The following IFNA10 variants were observed in gnomAD, a reference collection of about 807,000 sequenced individuals.
IFNA10 encodes interferon alpha 10.
For synonymous variants in IFNA10, 96 were observed against 83.7 expected (o/e 1.15, Z -0.80); for missense variants, 246 against 213.0 (o/e 1.15, Z -0.96).
At position 21,206,606 on chromosome 9, in the gene IFNA10, C is replaced by G. The variant is rs28368148; in HGVS notation, c.492G>C (p.Trp164Cys). The G allele has an allele frequency of 9.8e-3, 15,761 of 1,613,884 alleles. 106 individuals carry two copies. Among genetic ancestry groups the G allele is most frequent in the Middle Eastern group, 0.014 (86 of 6,062 alleles). ...TCATGATTTCTGCTCTGACAACCTC[C>G]CAGGCACAAGGGCTGTATTTCCTCT... ...LIERKYSPCA[W>C]EVVRAEIMRS... Residue 164 changes from tryptophan to cysteine, a missense_variant, in exon 1 of 1, where the codon TGG (tryptophan) becomes TGC (cysteine). Transcript: ENST00000357374.
In IFNA10 at chr9:21,206,296, ATAAT is replaced by A. The variant is rs2132929531; in HGVS notation, c.*228_*231del. ...TCATGATATTACATAAATTTTAAAAATAATTAAATAAATATTTAAACAAAAGATG... is the reference window on the plus strand; with the variant it reads ...TCATGATATTACATAAATTTTAAAAATAAATAAATATTTAAACAAAAGATG... On this transcript the variant is annotated 3_prime_UTR_variant, in exon 1 of 1. Transcript: ENST00000357374. The A allele has an allele frequency of 2.4e-6, 1 of 421,070 alleles. No homozygotes were observed. The highest frequency in any genetic ancestry group is 4.0e-6 in the Non-Finnish European group (1 of 252,596). The allele number at this position is 421,070 out of a possible 1,614,324, so 26.1% of individuals were successfully genotyped here.
rs778310673 is a variant in IFNA10, at chr9:21,206,720, C to T, written c.378G>A (p.Glu126=). 107 of 1,613,512 alleles carry T rather than the reference C, an allele frequency of 6.6e-5. 1 individual carries two copies. Among genetic ancestry groups the T allele is most frequent in the Middle Eastern group, 6.6e-4 (4 of 6,084 alleles). ...TCAGGGGAGTCTCTTCCACCCCAAC[C>T]TCCTGTATCACACATGCTTCCAGGT... ...LNDLEACVIQ[E]VGVEETPLMN... The change falls in exon 1 of 1, where the codon GAG becomes GAA. Residue 126 remains glutamate, a synonymous_variant. Coordinates refer to ENST00000357374, the MANE Select transcript of IFNA10 (RefSeq NM_002171.2).
chr9:21,206,220 G>A lies in IFNA10; in HGVS notation c.*308C>T, dbSNP rs1310089990. 1 of 191,876 alleles carries A rather than the reference G, an allele frequency of 5.2e-6. No homozygotes were observed. Among genetic ancestry groups the A allele is most frequent in the African/African-American group, 2.3e-5 (1 of 42,758 alleles). 11.9% of individuals were successfully genotyped at this position (191,876 alleles called of 1,614,324 possible). A position where few individuals can be genotyped will look rare whatever the true frequency, so the allele number is the denominator to read the frequency against. On this transcript the variant is annotated 3_prime_UTR_variant, in exon 1 of 1. Transcript: ENST00000357374. ...TAATGAAAAAGGAAATTAATATATT[G>A]GCTAAATATGAAGAACATATATTGT...
At position 21,206,939 on chromosome 9, in the gene IFNA10, C is replaced by G. The variant is rs748156292; in HGVS notation, c.159G>C (p.Leu53=). 3 of 1,613,912 alleles carry G rather than the reference C, an allele frequency of 1.9e-6. No homozygotes were observed. In the Admixed American group the frequency reaches 5.0e-5, roughly 27 times the overall value. ...GGATTCGGAAATCATGTCTGTCCTT[C>G]AGGCAGGAGAAAGGAGAGATTCTTC... ...QMGRISPFSC[L]KDRHDFRIPQ... is the part of the protein sequence containing the mutation. Residue 53 remains leucine (L), a synonymous_variant, in exon 1 of 1, where the codon CTG becomes CTC. Transcript: ENST00000357374.
chr9:21,206,587 T>C lies in IFNA10; in HGVS notation c.511A>G (p.Ile171Val), dbSNP rs1436148722. 6.2e-7 allele frequency: 1 copy of C among 1,613,800 alleles called. No homozygotes were observed. Among genetic ancestry groups the C allele is most frequent in the African/African-American group, 1.3e-5 (1 of 74,768 alleles). The part of the protein sequence containing the change: ...PCAWEVVRAE[I>V]MRSLSFSTNL... ...GTTGAAAACGAGAGGGATCTCATGA[T>C]TTCTGCTCTGACAACCTCCCAGGCA... Residue 171 changes from isoleucine to valine, a missense_variant, in exon 1 of 1, where the codon ATC becomes GTC. Ile to Val is a conservative substitution (Grantham distance 29). Coordinates refer to ENST00000357374, the MANE Select transcript of IFNA10 (RefSeq NM_002171.2).
In IFNA10 at chr9:21,206,741, C is replaced by G. The variant is rs148978394; in HGVS notation, c.357G>C (p.Leu119=). 1,957 of 1,613,076 alleles carry G rather than the reference C, an allele frequency of 1.2e-3. 38 individuals are homozygous for G. In the African/African-American group the frequency reaches 0.024, roughly 19 times the overall value. ...STELYQQLND[L]EACVIQEVGV... ...CAACCTCCTGTATCACACATGCTTCCAGGTCATTCAGTTGCTGGTAAAGTT... is the reference window on the plus strand; with the variant it reads ...CAACCTCCTGTATCACACATGCTTCGAGGTCATTCAGTTGCTGGTAAAGTT... Residue 119 remains leucine, a synonymous_variant, in exon 1 of 1, where the codon CTG becomes CTC. Coordinates refer to ENST00000357374, the MANE Select transcript of IFNA10 (RefSeq NM_002171.2).
At position 21,206,442 on chromosome 9, in the gene IFNA10, G is replaced by C. The variant is rs1053486524; in HGVS notation, c.*86C>G. The C allele has an allele frequency of 1.3e-6, 2 of 1,578,524 alleles. No homozygotes were observed. Among genetic ancestry groups the C allele is most frequent in the Non-Finnish European group, 1.7e-6 (2 of 1,167,180 alleles). ...TTTGATTCAACGCGTCGTGGTTATA[G>C]AAGTGAGTCTTTGAAATGGAAGAAC... On this transcript the variant is annotated 3_prime_UTR_variant, in exon 1 of 1. Transcript: ENST00000357374.
rs532359969 is a variant in IFNA10 at position 21,206,323 on chromosome 9, A to G, written c.*205T>C. 5.4e-6 allele frequency: 3 copies of G among 551,344 alleles called. No homozygotes were observed. Among genetic ancestry groups the G allele is most frequent in the African/African-American group, 4.0e-5 (2 of 50,550 alleles). The allele number at this position is 551,344 out of a possible 1,614,324, so 34.2% of individuals were successfully genotyped here. A position where few individuals can be genotyped will look rare whatever the true frequency, so the allele number is the denominator to read the frequency against. ...AATTAAATAAATATTTAAACAAAAGATGAACAGAGACATCAGAATGGTCAT... is the reference window on the plus strand; with the variant it reads ...AATTAAATAAATATTTAAACAAAAGGTGAACAGAGACATCAGAATGGTCAT... On this transcript the variant is annotated 3_prime_UTR_variant, in exon 1 of 1. Coordinates refer to ENST00000357374, the MANE Select transcript of IFNA10 (RefSeq NM_002171.2).
chr9:21,206,955 G>T lies in IFNA10; in HGVS notation c.143C>A (p.Ser48Tyr). The change falls in exon 1 of 1, where the codon TCT (serine) becomes TAT (tyrosine). Residue 48 changes from serine (S) to tyrosine (Y), a missense_variant. Transcript: ENST00000357374. ...LILLGQMGRI[S>Y]PFSCLKDRHD... Reference sequence around the variant, plus strand: ...TCTGTCCTTCAGGCAGGAGAAAGGAGAGATTCTTCCCATTTGTCCCAGGAG... The same window carrying T: ...TCTGTCCTTCAGGCAGGAGAAAGGATAGATTCTTCCCATTTGTCCCAGGAG... 3 of 1,613,906 alleles carry T rather than the reference G, an allele frequency of 1.9e-6. No individual in the cohort carries two copies. The highest frequency in any genetic ancestry group is 2.5e-6 in the Non-Finnish European group (3 of 1,180,010).
Position 21,206,371 on chromosome 9 carries a change from C to G in IFNA10, c.*157G>C, listed in dbSNP as rs909872927. On this transcript the variant is annotated 3_prime_UTR_variant, in exon 1 of 1. Transcript: ENST00000357374. ...CATCTGTAAAGGACTAGTGCCTGCA[C>G]AGGTATACACGACACTTCTTTACAC... is the stretch of plus-strand genomic sequence containing the variant. 39 of 1,161,810 alleles carry G rather than the reference C, an allele frequency of 3.4e-5. No individual in the cohort carries two copies. Among genetic ancestry groups the G allele is most frequent in the Non-Finnish European group, 4.5e-5 (37 of 822,880 alleles). The allele number at this position is 1,161,810 out of a possible 1,614,324, so 72.0% of individuals were successfully genotyped here.
chr9:21,206,420 G>A lies in IFNA10; in HGVS notation c.*108C>T, dbSNP rs1448471690. The stretch of plus-strand genomic sequence containing the variant: ...ACTGCTGAAAACATTTGAAAATTTT[G>A]ATTCAACGCGTCGTGGTTATAGAAG... On this transcript the variant is annotated 3_prime_UTR_variant, in exon 1 of 1. Transcript: ENST00000357374. The A allele has an allele frequency of 2.6e-6, 4 of 1,549,616 alleles. No homozygotes were observed. The East Asian group carries it at 9.0e-5, about 35-fold the overall frequency.
In IFNA10 at chr9:21,206,593, C is replaced by G. The variant is rs146026692; in HGVS notation, c.505G>C (p.Ala169Pro). 1.9e-6 allele frequency: 3 copies of G among 1,613,872 alleles called. No homozygotes were observed. Among genetic ancestry groups the G allele is most frequent in the Admixed American group, 1.7e-5 (1 of 59,992 alleles). ...AACGAGAGGGATCTCATGATTTCTG[C>G]TCTGACAACCTCCCAGGCACAAGGG... is the stretch of plus-strand genomic sequence containing the variant. ...YSPCAWEVVR[A>P]EIMRSLSFST... The change falls in exon 1 of 1, where the codon GCA becomes CCA. Residue 169 changes from alanine to proline, a missense_variant. Ala to Pro is a conservative substitution (Grantham distance 27, BLOSUM62 -1). Transcript: ENST00000357374.
rs1587907631 is a variant in IFNA10 at position 21,206,701 on chromosome 9, G to C, written c.397C>G (p.Pro133Ala). Residue 133 changes from proline (P) to alanine (A), a missense_variant, in exon 1 of 1, where the codon CCC (proline) becomes GCC (alanine). Coordinates refer to ENST00000357374, the MANE Select transcript of IFNA10 (RefSeq NM_002171.2). ...AGGATGGAGTCCTCATTCATCAGGG[G>C]AGTCTCTTCCACCCCAACCTCCTGT... The part of the protein sequence containing the change: ...VIQEVGVEET[P>A]LMNEDSILAV... The C allele has an allele frequency of 1.9e-6, 3 of 1,613,622 alleles. No individual in the cohort carries two copies. Among genetic ancestry groups the C allele is most frequent in the South Asian group, 2.2e-5 (2 of 91,070 alleles).
Position 21,206,553 on chromosome 9 carries a change from T to C in IFNA10, c.545A>G (p.Gln182Arg), listed in dbSNP as rs772624048. Residue 182 changes from glutamine to arginine, a missense_variant, in exon 1 of 1, where the codon CAA becomes CGA. Physicochemically the swap from Gln to Arg is conservative, Grantham distance 43. Coordinates refer to ENST00000357374, the MANE Select transcript of IFNA10 (RefSeq NM_002171.2). Reference protein sequence around the residue: ...MRSLSFSTNLQKRLRRKD With the variant: ...MRSLSFSTNLRKRLRRKD ...TCAATCCTTCCTCCTTAATCTTTTT[T>C]GCAAGTTTGTTGAAAACGAGAGGGA... is the stretch of plus-strand genomic sequence containing the variant. The C allele has an allele frequency of 1.7e-5, 28 of 1,613,666 alleles. No individual in the cohort carries two copies. The East Asian group carries it at 5.1e-4, about 30-fold the overall frequency.
chr9:21,206,735 T>G lies in IFNA10; in HGVS notation c.363A>C (p.Ala121=), dbSNP rs927644008. The G allele has an allele frequency of 1.1e-5, 17 of 1,613,130 alleles. No individual in the cohort carries two copies. In the African/African-American group the frequency reaches 1.3e-4, roughly 13 times the overall value. The stretch of plus-strand genomic sequence containing the variant: ...CCACCCCAACCTCCTGTATCACACA[T>G]GCTTCCAGGTCATTCAGTTGCTGGT... ...ELYQQLNDLE[A]CVIQEVGVEE... Residue 121 remains alanine, a synonymous_variant, in exon 1 of 1, where the codon GCA becomes GCC. Coordinates refer to ENST00000357374, the MANE Select transcript of IFNA10 (RefSeq NM_002171.2).
chr9:21,206,510 G>T lies in IFNA10; in HGVS notation c.*18C>A, dbSNP rs28368149. On this transcript the variant is annotated 3_prime_UTR_variant, in exon 1 of 1. Transcript: ENST00000357374. ...AATGTATTAGTCAATCAGGATCATT[G>T]CCATGTTGAACCAGTTTTCAATCCT... 0.037 allele frequency: 59,168 copies of T among 1,597,324 alleles called. 575 individuals carry two copies. Among genetic ancestry groups the T allele is most frequent in the Middle Eastern group, 0.059 (323 of 5,438 alleles).
In IFNA10 at chr9:21,206,514, T is replaced by G. The variant is rs375238105; in HGVS notation, c.*14A>C. The G allele has an allele frequency of 6.2e-7, 1 of 1,612,836 alleles. No individual in the cohort carries two copies. Among genetic ancestry groups the G allele is most frequent in the African/African-American group, 1.3e-5 (1 of 74,712 alleles). ...TATTAGTCAATCAGGATCATTGCCA[T>G]GTTGAACCAGTTTTCAATCCTTCCT... On this transcript the variant is annotated 3_prime_UTR_variant, in exon 1 of 1. Transcript: ENST00000357374.
rs766159884 is a variant in IFNA10, at chr9:21,206,866, A to T, written c.232T>A (p.Ser78Thr). ...GNQFQKAQAI[S>T]VLHEMIQQTF... ...TGCTGGATCATCTCATGGAGGACAG[A>T]GATGGCTTGAGCCTTCTGGAACTGG... The change falls in exon 1 of 1, where the codon TCT becomes ACT. Residue 78 changes from serine to threonine, a missense_variant. By Grantham distance (58) the Ser-to-Thr change is moderately conservative. Transcript: ENST00000357374. 1 of 1,613,702 alleles carries T rather than the reference A, an allele frequency of 6.2e-7. No individual in the cohort carries two copies. The highest frequency in any genetic ancestry group is 1.7e-5 in the Admixed American group (1 of 59,978).
Position 21,206,602 on chromosome 9 carries a change from C to T in IFNA10, c.496G>A (p.Val166Ile), listed in dbSNP as rs111996205. The T allele has an allele frequency of 5.6e-3, 8,981 of 1,613,906 alleles. 28 individuals carry two copies. Among genetic ancestry groups the T allele is most frequent in the Non-Finnish European group, 6.8e-3 (8,011 of 1,179,984 alleles). Residue 166 changes from valine to isoleucine, a missense_variant, in exon 1 of 1, where the codon GTT (valine) becomes ATT (isoleucine). Physicochemically the swap from Val to Ile is conservative, Grantham distance 29. Transcript: ENST00000357374. ...GATCTCATGATTTCTGCTCTGACAA[C>T]CTCCCAGGCACAAGGGCTGTATTTC... Reference protein sequence around the residue: ...ERKYSPCAWEVVRAEIMRSLS... With the variant: ...ERKYSPCAWEIVRAEIMRSLS...
Sources: gnomAD v4.1 joint callset for allele counts on GRCh38, gnomAD v4.1.1 for gene constraint, MANE v1.5 for transcripts, NCBI Gene and HGNC (gene_info 2026-07-23, HGNC 2026-07-21) for gene names.